The following GLIS3 variants were observed in gnomAD, a reference collection of about 807,000 sequenced individuals.
GLIS3 encodes the protein zinc finger protein GLIS3.
Under a neutral mutation model 78.6 loss-of-function variants are expected in GLIS3, and 53 were observed. The ratio of observed to expected loss-of-function variants is 0.67; its 90% CI spans 0.54 to 0.85. The LOEUF (loss-of-function observed/expected upper bound fraction) is 0.85, where lower values mean the gene tolerates loss of function less well. GLIS3 is among the 40% of genes least tolerant of loss of function. The pLI is 0.00. For synonymous variants in GLIS3, 684 were observed against 509.9 expected (o/e 1.34, Z -4.60); for missense variants, 1,703 against 1,231.1 (o/e 1.38, Z -5.74).
chr9:4,050,377 C>G (rs1825648598), intron 4 of GLIS3, among the ~76,000 whole-genome samples: 1 of 152,090 alleles, frequency 6.6e-6, no homozygotes, highest in Non-Finnish European at 1.5e-5. Context: ...TGTTCTCACT[C>G]ACAGGTGGGA....
At chr9:4,192,538 C>A (rs1818420038) in intron 2 of GLIS3, among the ~76,000 whole-genome samples, 1 of 152,236 alleles carries the variant, frequency 6.6e-6, no homozygotes, top group Non-Finnish European at 1.5e-5. Flanking sequence ...AACCTGTGAA[C>A]TCACCAACAG....
At chr9:4,166,569 C>G (rs1197058743) in intron 2 of GLIS3, among the ~76,000 whole-genome samples, 1 of 152,250 alleles carries the variant, frequency 6.6e-6, no homozygotes, top group Non-Finnish European at 1.5e-5. Flanking sequence ...TGAGTACTAA[C>G]CAACTGGCCA....
chr9:4,204,421 G>C (rs1404280363), intron 2 of GLIS3, among the ~76,000 whole-genome samples: 2 of 152,136 alleles, frequency 1.3e-5, no homozygotes. Flanking sequence ...AAGCTGAGAA[G>C]ATACAGAATA....
At chr9:4,055,616 T>C (rs1224659536) in intron 4 of GLIS3, among the ~76,000 whole-genome samples, 1 of 152,236 alleles carries the variant, frequency 6.6e-6, no homozygotes, top group Non-Finnish European at 1.5e-5. Flanking sequence ...GAAGCAAATA[T>C]GTTGCTCTGC....
chr9:4,117,666 C>T (rs746645253), intron 4 of GLIS3, 102 bp downstream of exon 4: 1 of 1,307,388 alleles, frequency 7.6e-7, no homozygotes, highest in Non-Finnish European at 1.1e-6. Context: ...TACCTAGACC[C>T]CCACGCATGC....
chr9:3,867,203 C>T (rs1029148425), intron 8 of GLIS3, among the ~76,000 whole-genome samples: 22 of 152,160 alleles, frequency 1.4e-4, no homozygotes, highest in Admixed American at 3.3e-4. Context: ...GTAGATAGGT[C>T]GGGGAAGCCA....
intron 6 of GLIS3, among the ~76,000 whole-genome samples, chr9:3,912,134 C>T (rs371928033): frequency 3.3e-5 from 5 of 152,246 alleles, no homozygotes; most frequent in African/African-American, 1.2e-4. Flanking sequence ...ACTCCGTAGG[C>T]TTGTAACAGA....
chr9:4,321,677 G>T (rs191321641), intron 2 of GLIS3, among the ~76,000 whole-genome samples: 4 of 133,918 alleles, frequency 3.0e-5, no homozygotes, highest in Non-Finnish European at 4.6e-5. Context: ...TCCTCCAAAG[G>T]TAACTACCAT....
intron 2 of GLIS3, among the ~76,000 whole-genome samples, chr9:4,152,756 T>C (rs1234366815): frequency 1.3e-5 from 2 of 152,204 alleles, no homozygotes; most frequent in Admixed American, 1.3e-4. Context: ...AATAGGTTTC[T>C]TATATACCAT....
intron 2 of GLIS3, among the ~76,000 whole-genome samples, chr9:4,194,742 G>A (rs535920397): frequency 2.0e-5 from 3 of 152,334 alleles, no homozygotes; most frequent in African/African-American, 4.8e-5. Context: ...GTCTACCTCT[G>A]TGACTCACCT....
the GLIS3 span, among the ~76,000 whole-genome samples, chr9:4,353,459 G>A: frequency 2.0e-5 from 3 of 152,146 alleles, no homozygotes; most frequent in Non-Finnish European, 4.4e-5. Flanking sequence ...CCAAAGTTCA[G>A]GGCCAGGGAT....
chr9:4,178,270 C>A (rs1344404915), intron 2 of GLIS3, among the ~76,000 whole-genome samples: 3 of 152,032 alleles, frequency 2.0e-5, no homozygotes, highest in African/African-American at 7.2e-5. Flanking sequence ...ACAATTTACT[C>A]TGCCACCGTG....
chr9:4,299,061 T>G (rs1816876512), intron 1 of GLIS3, among the ~76,000 whole-genome samples: 1 of 152,086 alleles, frequency 6.6e-6, no homozygotes, highest in East Asian at 1.9e-4. Context: ...GTGCCCTGAT[T>G]GTGTACCCCT....
intron 2 of GLIS3, chr9:4,152,096 T>G: frequency 1.0e-6 from 1 of 975,984 alleles, no homozygotes. Flanking sequence ...CACAATATTT[T>G]TCTACGGCCA....
At chr9:3,902,773 T>G (rs1822897) in intron 6 of GLIS3, among the ~76,000 whole-genome samples, 2 of 152,162 alleles carry the variant, frequency 1.3e-5, no homozygotes, top group Non-Finnish European at 2.9e-5. Context: ...AGTTTTCTGT[T>G]TATGGAAAGA....
At chr9:4,430,488 G>C in the GLIS3 span, among the ~76,000 whole-genome samples, 1 of 152,154 alleles carries the variant, frequency 6.6e-6, no homozygotes, top group Non-Finnish European at 1.5e-5. Context: ...AAAATATTTG[G>C]GCAGGGCCCT....
intron 4 of GLIS3, among the ~76,000 whole-genome samples, chr9:4,066,321 G>C (rs1178596328): frequency 6.6e-6 from 1 of 152,146 alleles, no homozygotes; most frequent in African/African-American, 2.4e-5. Flanking sequence ...ATCCAGGCAG[G>C]GAGGCACCGT....
intron 2 of GLIS3, among the ~76,000 whole-genome samples, chr9:4,139,994 G>C (rs1422942896): frequency 1.3e-5 from 2 of 152,136 alleles, no homozygotes; most frequent in African/African-American, 4.8e-5. Flanking sequence ...CAGTATGTAA[G>C]AGCTGGTTCA....
intron 6 of GLIS3, among the ~76,000 whole-genome samples, chr9:3,914,672 G>T (rs629360): frequency 0.89 from 135,801 of 152,248 alleles, 60,652 homozygotes; most frequent in African/African-American, 0.92. Flanking sequence ...CTTCTAAAGA[G>T]TCAATGTCAA....
Sources: gnomAD v4.1 joint callset for allele counts (sites outside exome capture counted in the v4.1 genomes callset) on GRCh38, gnomAD v4.1.1 for gene constraint, MANE v1.5 for transcripts, NCBI Gene and HGNC (gene_info 2026-07-23, HGNC 2026-07-21) for gene names.